The following PLCB1 variants were observed in gnomAD, a reference collection of about 807,000 sequenced individuals.
PLCB1 encodes phospholipase C beta 1.
PLCB1 carries 46 observed loss-of-function variants against 161.8 expected under a neutral mutation model. The observed-to-expected ratio is 0.28, with a 90% CI of 0.22 to 0.36. The LOEUF (loss-of-function observed/expected upper bound fraction) is 0.36, where lower values mean the gene tolerates loss of function less well. PLCB1 is among the 10% of genes least tolerant of loss of function. The pLI, the probability that PLCB1 is intolerant of heterozygous loss-of-function variation, is 1.00. For missense variants in PLCB1, 1,016 were observed against 1,472.5 expected, an observed-to-expected ratio of 0.69 and a Z score of 5.07; for synonymous variants, 517 against 503.7, an observed-to-expected ratio of 1.03 and a Z score of -0.35.
intron 3 of PLCB1, among the ~76,000 whole-genome samples, chr20:8,404,898 G>T (rs1015482794): frequency 6.6e-6 from 1 of 152,108 alleles, no homozygotes; most frequent in Admixed American, 6.5e-5. Context: ...TATTGAAGTT[G>T]TATGTATCCA....
At chr20:8,470,525 A>T (rs1341808785) in intron 3 of PLCB1, among the ~76,000 whole-genome samples, 1 of 152,044 alleles carries the variant, frequency 6.6e-6, no homozygotes, top group Admixed American at 6.6e-5. Flanking sequence ...AGCTTCTTGC[A>T]TGTGCATTTG....
chr20:8,624,812 A>C (rs983241383), intron 3 of PLCB1, among the ~76,000 whole-genome samples: 1 of 152,228 alleles, frequency 6.6e-6, no homozygotes, highest in African/African-American at 2.4e-5. Flanking sequence ...ATTTGGTAGC[A>C]CTTATGGGAA....
At chr20:8,866,103 A>T (rs1188239573) in intron 31 of PLCB1, among the ~76,000 whole-genome samples, 1 of 152,338 alleles carries the variant, frequency 6.6e-6, no homozygotes, top group East Asian at 1.9e-4. Context: ...TTTCTATAAA[A>T]ACAACTTGCT....
At chr20:8,740,483 A>G in intron 22 of PLCB1, 35 bp downstream of exon 22, 1 of 1,205,766 alleles carries the variant, frequency 8.3e-7, no homozygotes, top group Non-Finnish European at 1.2e-6. Flanking sequence ...CTTTACTCAA[A>G]GGGGTATTTC....
chr20:8,630,469 G>T (rs1025502469), intron 4 of PLCB1, among the ~76,000 whole-genome samples: 1 of 152,134 alleles, frequency 6.6e-6, no homozygotes, highest in Non-Finnish European at 1.5e-5. Flanking sequence ...GTTGTAAACA[G>T]AATCTACTTT....
intron 14 of PLCB1, among the ~76,000 whole-genome samples, chr20:8,719,956 G>C (rs1385437116): frequency 6.6e-6 from 1 of 152,060 alleles, no homozygotes; most frequent in Admixed American, 6.6e-5. Context: ...TTTATCAACA[G>C]ACGTTATATA....
At chr20:8,866,180 G>A (rs1460272506) in intron 31 of PLCB1, among the ~76,000 whole-genome samples, 1 of 152,134 alleles carries the variant, frequency 6.6e-6, no homozygotes, top group Admixed American at 6.5e-5. Context: ...CCACACTTAC[G>A]TGACGAAGAA....
At chr20:8,368,370 A>G (rs1451678694) in intron 2 of PLCB1, among the ~76,000 whole-genome samples, 1 of 152,086 alleles carries the variant, frequency 6.6e-6, no homozygotes, top group East Asian at 1.9e-4. Flanking sequence ...TGTACTAAAA[A>G]TACAAAAATT....
At chr20:8,555,543 T>A (rs1292844079) in intron 3 of PLCB1, among the ~76,000 whole-genome samples, 1 of 152,106 alleles carries the variant, frequency 6.6e-6, no homozygotes, top group African/African-American at 2.4e-5. Context: ...CTACTTCCTG[T>A]TTGGTCTTAA....
intron 31 of PLCB1, among the ~76,000 whole-genome samples, chr20:8,821,895 C>A (rs538411244): frequency 6.6e-6 from 1 of 152,184 alleles, no homozygotes; most frequent in African/African-American, 2.4e-5. Context: ...CAGATGGAAC[C>A]ATGCTTCTCC....
rs1162695630 is a variant in PLCB1, at chr20:8,707,344, G to T, written c.1168-1326G>T. ...AGAAAAGGCTCAGGCATAAAGAATA[G>T]GAGTGGAAATCCCTATTTAAAAGGA... On this transcript the variant is annotated intron_variant, in intron 11 of 31. Transcript: ENST00000338037. Among the ~76,000 whole-genome samples, 5 of 152,022 alleles carry T rather than the reference G, an allele frequency of 3.3e-5. No homozygotes were observed. The East Asian group carries it at 9.7e-4, about 29-fold the overall frequency.
chr20:8,262,263 G>A (rs1306744411), intron 2 of PLCB1, among the ~76,000 whole-genome samples: 1 of 150,756 alleles, frequency 6.6e-6, no homozygotes, highest in Non-Finnish European at 1.5e-5. Flanking sequence ...TTTTTTTATT[G>A]TATTTTCAGT....
At chr20:8,337,410 T>TAA (rs1985622896) in intron 2 of PLCB1, among the ~76,000 whole-genome samples, 1 of 152,244 alleles carries the variant, frequency 6.6e-6, no homozygotes, top group Non-Finnish European at 1.5e-5. Flanking sequence ...TGTCACCTTA[T>TAA]ATCAAAATGT....
chr20:8,141,712 T>G lies in PLCB1; in HGVS notation c.100-8582T>G, dbSNP rs540684848. Among the ~76,000 whole-genome samples the G allele has an allele frequency of 5.9e-5, 9 of 152,232 alleles. No homozygotes were observed. The South Asian group carries it at 1.7e-3, about 28-fold the overall frequency. On this transcript the variant is annotated intron_variant, in intron 1 of 31. Transcript: ENST00000338037. ...CAGTCAGTCAGCGTGGAAACATGCATGTGGAAAGACAGGTATTCAGGTATG... is the reference window on the plus strand; with the variant it reads ...CAGTCAGTCAGCGTGGAAACATGCAGGTGGAAAGACAGGTATTCAGGTATG...
At chr20:8,163,320 C>T (rs1274107936) in intron 2 of PLCB1, among the ~76,000 whole-genome samples, 1 of 152,190 alleles carries the variant, frequency 6.6e-6, no homozygotes, top group African/African-American at 2.4e-5. Flanking sequence ...GCAGCTCTCT[C>T]AGGGGTTATT....
chr20:8,283,340 C>A (rs1352635642), intron 2 of PLCB1, among the ~76,000 whole-genome samples: 1 of 152,030 alleles, frequency 6.6e-6, no homozygotes, highest in Non-Finnish European at 1.5e-5. Flanking sequence ...AAGAAAATAA[C>A]TATTACCCAT....
chr20:8,273,598 G>A (rs190942082), intron 2 of PLCB1, among the ~76,000 whole-genome samples: 73 of 152,138 alleles, frequency 4.8e-4, no homozygotes, highest in African/African-American at 9.2e-4. Context: ...ACCTAACCCC[G>A]CTGGCTGAAC....
At chr20:8,838,757 C>T (rs79080168) in intron 31 of PLCB1, among the ~76,000 whole-genome samples, 8 of 152,232 alleles carry the variant, frequency 5.3e-5, no homozygotes, top group African/African-American at 1.4e-4. Context: ...ACTTACTTGA[C>T]GTGCAGAAAA....
intron 2 of PLCB1, among the ~76,000 whole-genome samples, chr20:8,233,679 C>T (rs952588466): frequency 6.6e-6 from 1 of 152,146 alleles, no homozygotes; most frequent in Non-Finnish European, 1.5e-5. Context: ...ACATTTCCTG[C>T]ATCCCAGAGG....
Sources: allele counts gnomAD v4.1 joint callset (sites outside exome capture counted in the v4.1 genomes callset), GRCh38; gene constraint gnomAD v4.1.1; transcripts MANE v1.5; gene names NCBI Gene and HGNC (gene_info 2026-07-23, HGNC 2026-07-21).